GALNT13: variants seen among roughly 807,000 people sequenced by gnomAD.
GALNT13 encodes the protein UDP-GalNAc:polypeptide N-acetylgalactosaminyltransferase 13.
GALNT13 carries 28 observed loss-of-function variants against 64.2 expected under a neutral mutation model. That is an observed-to-expected ratio of 0.44 (90% CI 0.32 to 0.60). The LOEUF (loss-of-function observed/expected upper bound fraction) is 0.60, where lower values mean the gene tolerates loss of function less well. Among genes scored for constraint, GALNT13 ranks in the 20% least tolerant of loss-of-function variants. The pLI is 0.05. For synonymous variants in GALNT13, 214 were observed against 224.6 expected (o/e 0.95, Z 0.42); for missense variants, 577 against 669.8 (o/e 0.86, Z 1.53).
the GALNT13 span, among the ~76,000 whole-genome samples, chr2:153,156,966 C>G: frequency 1.3e-5 from 2 of 152,106 alleles, no homozygotes; most frequent in Non-Finnish European, 2.9e-5. Flanking sequence ...TGTGAAGTGT[C>G]TGCTTCATCT....
intron 9 of GALNT13, among the ~76,000 whole-genome samples, chr2:154,314,490 T>A (rs1210536046): frequency 6.6e-6 from 1 of 152,138 alleles, no homozygotes; most frequent in Non-Finnish European, 1.5e-5. Flanking sequence ...GATGAGTAAT[T>A]TAAAAAGAAA....
intron 9 of GALNT13, among the ~76,000 whole-genome samples, chr2:154,362,170 G>T (rs371529357): frequency 9.8e-4 from 149 of 152,042 alleles, no homozygotes; most frequent in African/African-American, 3.4e-3. Context: ...ATTAAGAATT[G>T]GAATGGTCCT....
rs190243045 is a variant in GALNT13, at chr2:154,012,476, C to T, written c.142+67837C>T. ...GGGTTTCCTTTGTAGGTGACCTGCCCCTTCTCTCTAGCTGCCTTTATTTTT... is the reference window on the plus strand; with the variant it reads ...GGGTTTCCTTTGTAGGTGACCTGCCTCTTCTCTCTAGCTGCCTTTATTTTT... On this transcript the variant is annotated intron_variant, in intron 3 of 12. Coordinates refer to ENST00000392825, the MANE Select transcript of GALNT13 (RefSeq NM_052917.4). Among the ~76,000 whole-genome samples, 373 of 152,068 alleles carry T rather than the reference C, an allele frequency of 2.5e-3. 1 individual carries two copies. The highest frequency in any genetic ancestry group is 4.4e-3 in the Non-Finnish European group (296 of 67,972).
chr2:154,122,411 G>C (rs1682002637), intron 3 of GALNT13, among the ~76,000 whole-genome samples: 1 of 151,736 alleles, frequency 6.6e-6, no homozygotes, highest in Non-Finnish European at 1.5e-5. Flanking sequence ...TATTTTTTCT[G>C]GTTTGGTATT....
chr2:153,358,623 T>C, the GALNT13 span, among the ~76,000 whole-genome samples: 1 of 152,160 alleles, frequency 6.6e-6, no homozygotes, highest in African/African-American at 2.4e-5. Context: ...AAAGAAACTA[T>C]CTCTAATTAG....
At chr2:153,982,695 T>A (rs1431388488) in intron 3 of GALNT13, among the ~76,000 whole-genome samples, 1 of 152,050 alleles carries the variant, frequency 6.6e-6, no homozygotes, top group Non-Finnish European at 1.5e-5. Flanking sequence ...GGCTGTAACT[T>A]CTACCTTGAT....
At chr2:153,818,009 T>C in the GALNT13 span, among the ~76,000 whole-genome samples, 2 of 151,846 alleles carry the variant, frequency 1.3e-5, no homozygotes, top group East Asian at 1.9e-4. Context: ...ATCTAAGAGA[T>C]CATGCTGGGA....
chr2:153,699,464 G>A, the GALNT13 span, among the ~76,000 whole-genome samples: 1 of 152,126 alleles, frequency 6.6e-6, no homozygotes, highest in Admixed American at 6.6e-5. Context: ...CCAAAAGCTA[G>A]CAGAAGACAA....
At chr2:154,221,619 T>C (rs1256565053) in intron 4 of GALNT13, among the ~76,000 whole-genome samples, 1 of 152,102 alleles carries the variant, frequency 6.6e-6, no homozygotes, top group Non-Finnish European at 1.5e-5. Context: ...CAATTCTATT[T>C]GAGGCTTCTA....
intron 9 of GALNT13, among the ~76,000 whole-genome samples, chr2:154,346,732 A>G (rs1696090442): frequency 6.6e-6 from 1 of 152,094 alleles, no homozygotes; most frequent in Non-Finnish European, 1.5e-5. Context: ...AGACTAATAC[A>G]TATCACTAAT....
chr2:153,467,040 C>T, the GALNT13 span, among the ~76,000 whole-genome samples: 2 of 151,970 alleles, frequency 1.3e-5, no homozygotes, highest in African/African-American at 4.8e-5. Context: ...GAGGCATGTT[C>T]ATTGATATCA....
Position 153,872,109 on chromosome 2 carries a change from T to C in GALNT13, c.-371T>C, listed in dbSNP as rs1212755336. The C allele has an allele frequency of 6.6e-6, 1 of 151,430 alleles. No individual in the cohort carries two copies. The highest frequency in any genetic ancestry group is 2.0e-4 in the East Asian group (1 of 5,040). The allele number at this position is 151,430 out of a possible 1,614,324, so 9.4% of individuals were successfully genotyped here. On this transcript the variant is annotated 5_prime_UTR_variant, in exon 1 of 13. Coordinates refer to ENST00000392825, the MANE Select transcript of GALNT13 (RefSeq NM_052917.4). The stretch of plus-strand genomic sequence containing the variant: ...CCGGCTCCCTCTGCTCGCGGGCAAG[T>C]GTGAAGAGAGAGGCGCGGGCGGGAG...
At chr2:153,155,860 G>A in the GALNT13 span, among the ~76,000 whole-genome samples, 16 of 152,082 alleles carry the variant, frequency 1.1e-4, no homozygotes, top group Non-Finnish European at 1.8e-4. Flanking sequence ...ACTTTTTGAT[G>A]TGGGCATTTA....
At chr2:153,077,718 C>T in the GALNT13 span, among the ~76,000 whole-genome samples, 7 of 152,232 alleles carry the variant, frequency 4.6e-5, no homozygotes, top group Admixed American at 1.3e-4. Flanking sequence ...AAATCTGAGT[C>T]ACAATAAAAT....
At chr2:154,189,472 CA>C (rs35557058) in intron 4 of GALNT13, among the ~76,000 whole-genome samples, 26,864 of 81,042 alleles carry the variant, frequency 0.33, 1,796 homozygotes, top group East Asian at 0.4. Context: ...ACGTGCACAC[CA>C]AAAAAAAAAA....
chr2:153,624,930 A>G, the GALNT13 span, among the ~76,000 whole-genome samples: 3 of 152,098 alleles, frequency 2.0e-5, no homozygotes, highest in Non-Finnish European at 4.4e-5. Flanking sequence ...GTTTCAAAAC[A>G]GTACAATACT....
the GALNT13 span, among the ~76,000 whole-genome samples, chr2:153,742,919 CAAGGG>C: frequency 6.9e-6 from 1 of 145,796 alleles, no homozygotes; most frequent in African/African-American, 2.5e-5. Flanking sequence ...ATTTCTTTTC[CAAGGG>C]AAGGGAAGGA....
chr2:153,335,022 A>G, the GALNT13 span, among the ~76,000 whole-genome samples: 3 of 152,312 alleles, frequency 2.0e-5, no homozygotes, highest in South Asian at 2.1e-4. Context: ...AAGTCTCATG[A>G]GATCTGATGG....
At chr2:153,253,990 G>A in the GALNT13 span, among the ~76,000 whole-genome samples, 5 of 152,204 alleles carry the variant, frequency 3.3e-5, no homozygotes, top group African/African-American at 9.7e-5. Context: ...CATAAAATGA[G>A]TTAGGACAGA....
Sources: gnomAD v4.1 joint callset for allele counts (sites outside exome capture counted in the v4.1 genomes callset) on GRCh38, gnomAD v4.1.1 for gene constraint, MANE v1.5 for transcripts, NCBI Gene and HGNC (gene_info 2026-07-23, HGNC 2026-07-21) for gene names.